The following FNDC3B variants were observed in gnomAD, a reference collection of about 807,000 sequenced individuals.
FNDC3B encodes the protein fibronectin type III domain-containing protein 3B.
FNDC3B carries 12 observed loss-of-function variants against 151.5 expected under a neutral mutation model. The ratio of observed to expected loss-of-function variants is 0.08; its 90% CI spans 0.05 to 0.13. FNDC3B has a LOEUF of 0.13. Ranked by LOEUF, FNDC3B falls within the 10% of genes least tolerant of loss-of-function variation. FNDC3B has a pLI of 1.00. For missense variants in FNDC3B, 1,214 were observed against 1,505.3 expected, an observed-to-expected ratio of 0.81 and a Z score of 3.20; for synonymous variants, 528 against 549.0, an observed-to-expected ratio of 0.96 and a Z score of 0.54.
chr3:172,243,376 G>T (rs1212098744), intron 4 of FNDC3B, among the ~76,000 whole-genome samples: 1 of 152,174 alleles, frequency 6.6e-6, no homozygotes, highest in African/African-American at 2.4e-5. Context: ...ATTTACAAAG[G>T]AAAGAGGTTT....
chr3:172,173,422 G>A (rs1335627042), intron 3 of FNDC3B, among the ~76,000 whole-genome samples: 1 of 152,086 alleles, frequency 6.6e-6, no homozygotes, highest in Non-Finnish European at 1.5e-5. Flanking sequence ...AATTTGATGT[G>A]TTCTTTGAAG....
intron 2 of FNDC3B, among the ~76,000 whole-genome samples, chr3:172,122,140 CTTTTT>C (rs1559976135): frequency 6.6e-6 from 1 of 152,142 alleles, no homozygotes; most frequent in Admixed American, 6.5e-5. Context: ...AGACTCTTTT[CTTTTT>C]TAGTCCAAAT....
chr3:172,175,122 C>G (rs1288026681), intron 3 of FNDC3B, among the ~76,000 whole-genome samples: 1 of 151,894 alleles, frequency 6.6e-6, no homozygotes, highest in Non-Finnish European at 1.5e-5. Flanking sequence ...ATTTGTCTGA[C>G]AGTCCAGGGT....
At chr3:172,310,998 G>C in intron 11 of FNDC3B, 117 bp downstream of exon 11, 1 of 757,094 alleles carries the variant, frequency 1.3e-6, no homozygotes, top group East Asian at 2.5e-5. Flanking sequence ...AGGAATGCTA[G>C]TAGAGAAATT....
chr3:172,251,550 C>CA lies in FNDC3B; in HGVS notation c.790+11dup, dbSNP rs1415000070. On this transcript the variant is annotated intron_variant, in intron 6 of 25. Coordinates refer to ENST00000415807, the MANE Select transcript of FNDC3B (RefSeq NM_022763.4). ...TGATTCAGACTTGCAAGGTAATACTCAAGATGTTTGCCATAGAGTGAATTA... is the reference window on the plus strand; with the variant it reads ...TGATTCAGACTTGCAAGGTAATACTCAAAGATGTTTGCCATAGAGTGAATTA... 1 of 1,598,444 alleles carries CA rather than the reference C, an allele frequency of 6.3e-7. No individual in the cohort carries two copies. The highest frequency in any genetic ancestry group is 1.3e-5 in the African/African-American group (1 of 74,470).
At chr3:172,189,341 C>A (rs1004798214) in intron 3 of FNDC3B, among the ~76,000 whole-genome samples, 4 of 152,118 alleles carry the variant, frequency 2.6e-5, no homozygotes, top group African/African-American at 4.8e-5. Context: ...CACCTCCAGC[C>A]CCCTCTGCAA....
At chr3:172,137,114 G>A (rs1721410578) in intron 3 of FNDC3B, among the ~76,000 whole-genome samples, 1 of 152,142 alleles carries the variant, frequency 6.6e-6, no homozygotes, top group Non-Finnish European at 1.5e-5. Flanking sequence ...TAATAACTTT[G>A]CTATTTTAAC....
intron 2 of FNDC3B, among the ~76,000 whole-genome samples, chr3:172,118,719 C>T (rs1720384495): frequency 6.6e-6 from 1 of 152,192 alleles, no homozygotes; most frequent in Admixed American, 6.5e-5. Flanking sequence ...CATTCTTCAG[C>T]ATCAAGATGC....
At chr3:172,188,979 T>C (rs1172147295) in intron 3 of FNDC3B, among the ~76,000 whole-genome samples, 1 of 152,206 alleles carries the variant, frequency 6.6e-6, no homozygotes, top group Non-Finnish European at 1.5e-5. Context: ...TTTTCCTCAC[T>C]ATGGGAAGAA....
At chr3:172,091,909 T>TGTGTGTGTGTGTGTGTGTGTG (rs71178259) in intron 1 of FNDC3B, among the ~76,000 whole-genome samples, 5 of 148,404 alleles carry the variant, frequency 3.4e-5, no homozygotes, top group African/African-American at 5.0e-5. Flanking sequence ...TGTGTGTGTG[T>TGTGTGTGTGTGTGTGTGTGTG]TAGGGAGGTG....
At chr3:172,139,001 T>A (rs1721495079) in intron 3 of FNDC3B, among the ~76,000 whole-genome samples, 1 of 152,240 alleles carries the variant, frequency 6.6e-6, no homozygotes, top group Non-Finnish European at 1.5e-5. Context: ...ATGAACATCA[T>A]GCTCTGCCCA....
At chr3:172,053,347 G>C (rs57632612) in intron 1 of FNDC3B, among the ~76,000 whole-genome samples, 11,441 of 152,160 alleles carry the variant, frequency 0.075, 1,123 homozygotes, top group African/African-American at 0.22. Flanking sequence ...ACTGCTTCTC[G>C]ATAGTTCAAG....
intron 9 of FNDC3B, among the ~76,000 whole-genome samples, chr3:172,301,271 A>G (rs1204816854): frequency 2.6e-5 from 4 of 152,254 alleles, no homozygotes; most frequent in African/African-American, 9.6e-5. Context: ...TGTGAAAATA[A>G]AAAGGACTTA....
At chr3:172,102,618 T>G (rs1719429233) in intron 1 of FNDC3B, among the ~76,000 whole-genome samples, 1 of 152,154 alleles carries the variant, frequency 6.6e-6, no homozygotes, top group Non-Finnish European at 1.5e-5. Context: ...AGGAAAACCT[T>G]GAACCACAGT....
chr3:172,175,024 C>A (rs1403540633), intron 3 of FNDC3B, among the ~76,000 whole-genome samples: 1 of 145,158 alleles, frequency 6.9e-6, no homozygotes, highest in African/African-American at 2.6e-5. Context: ...TTCCCAGTTG[C>A]TCTCCTCATT....
chr3:172,390,641 A>T (rs1312427897), intron 25 of FNDC3B, among the ~76,000 whole-genome samples: 1 of 151,768 alleles, frequency 6.6e-6, no homozygotes, highest in Non-Finnish European at 1.5e-5. Flanking sequence ...AGCCATGCAA[A>T]TTCTGGAAAC....
At chr3:172,105,042 A>G (rs1199514642) in intron 1 of FNDC3B, among the ~76,000 whole-genome samples, 1 of 152,212 alleles carries the variant, frequency 6.6e-6, no homozygotes, top group East Asian at 1.9e-4. Context: ...TTGACATTCC[A>G]TTAGTTGTAG....
intron 7 of FNDC3B, 57 bp downstream of exon 7, chr3:172,286,041 CTTT>C (rs67373503): frequency 3.6e-4 from 379 of 1,066,318 alleles, no homozygotes; most frequent in South Asian, 6.7e-4. Context: ...TTCAAATGTG[CTTT>C]TTTTTTTTTT....
intron 2 of FNDC3B, chr3:172,127,090 A>G (rs1004310588): frequency 6.6e-6 from 3 of 456,468 alleles, no homozygotes; most frequent in African/African-American, 6.0e-5. Context: ...TTTTATCGAG[A>G]GCATGAAACA....
Sources: allele counts gnomAD v4.1 joint callset (sites outside exome capture counted in the v4.1 genomes callset), GRCh38; gene constraint gnomAD v4.1.1; transcripts MANE v1.5; gene names NCBI Gene and HGNC (gene_info 2026-07-23, HGNC 2026-07-21).